The following TRIM66 variants were observed in gnomAD, a reference collection of about 807,000 sequenced individuals.
TRIM66 encodes tripartite motif containing 66.
In TRIM66, 99 loss-of-function variants were observed where a neutral mutation model predicts 148.2. The ratio of observed to expected loss-of-function variants is 0.67; its 90% CI spans 0.57 to 0.79. The LOEUF is 0.79. Ranked by LOEUF, TRIM66 falls within the 30% of genes least tolerant of loss-of-function variation. The probability of loss-of-function intolerance (pLI) is 0.00; values close to 1 mark genes in which losing one functional copy is unlikely to be tolerated. For missense variants in TRIM66, 1,666 were observed against 1,697.9 expected (o/e 0.98, Z 0.33); for synonymous variants, 616 against 635.9 (o/e 0.97, Z 0.47).
At chr11:8,627,021 CCTT>C (rs2034914308) in intron 15 of TRIM66, among the ~76,000 whole-genome samples, 1 of 152,228 alleles carries the variant, frequency 6.6e-6, no homozygotes, top group Admixed American at 6.5e-5. Context: ...TGCCAGAAAG[CCTT>C]CTTTCATTCT....
At chr11:8,676,248 T>A (rs1355381575) in intron 3 of TRIM66, among the ~76,000 whole-genome samples, 2 of 152,076 alleles carry the variant, frequency 1.3e-5, no homozygotes, top group South Asian at 2.1e-4. Flanking sequence ...TTTTTTTTTT[T>A]AACCGGCAGA....
At chr11:8,643,170 T>C in intron 12 of TRIM66, 44 bp from the exon 13 acceptor site, 1 of 1,501,830 alleles carries the variant, frequency 6.7e-7, no homozygotes, top group African/African-American at 1.4e-5. Flanking sequence ...ATCTTGCACC[T>C]AAATGACAAC....
chr11:8,653,464 T>C (rs7942340), intron 6 of TRIM66, among the ~76,000 whole-genome samples: 2,347 of 152,214 alleles, frequency 0.015, 67 homozygotes, highest in African/African-American at 0.054. Flanking sequence ...TGAGAGATCA[T>C]GCAGAGAAAG....
At chr11:8,672,656 T>C (rs1270722408) in intron 4 of TRIM66, among the ~76,000 whole-genome samples, 1 of 148,678 alleles carries the variant, frequency 6.7e-6, no homozygotes, top group Non-Finnish European at 1.5e-5. Context: ...GATCTCACTC[T>C]GTGGCCCAGG....
At chr11:8,652,187 C>T (rs1409532261) in intron 6 of TRIM66, among the ~76,000 whole-genome samples, 4 of 151,982 alleles carry the variant, frequency 2.6e-5, no homozygotes, top group Non-Finnish European at 4.4e-5. Flanking sequence ...ACAGGCCCAA[C>T]GCTGCTTTGG....
rs368217268 is a variant in TRIM66 at position 8,621,150 on chromosome 11, T to C, written c.3427A>G (p.Ile1143Val). The change falls in exon 20 of 25, where the codon ATA becomes GTA. Residue 1143 changes from isoleucine (I) to valine (V), a missense_variant. Transcript: ENST00000646038. ...ACAGCACAGAAGTCCTCATTCTCTA[T>C]TGGGGCTGGGGGGCCCTTCTTGGCT... The part of the protein sequence containing the change: ...PGAKKGPPAP[I>V]ENEDFCAVCL... 12 of 1,551,694 alleles carry C rather than the reference T, an allele frequency of 7.7e-6. No homozygotes were observed. The highest frequency in any genetic ancestry group is 1.4e-5 in the African/African-American group (1 of 73,160).
intron 1 of TRIM66, among the ~76,000 whole-genome samples, chr11:8,682,023 A>C (rs2039456491): frequency 6.6e-6 from 1 of 152,170 alleles, no homozygotes. Flanking sequence ...CGACCTCCCA[A>C]AGTGTTGGGA....
In TRIM66 at chr11:8,672,321, A is replaced by G. The variant is rs114815403; in HGVS notation, c.-47T>C. The G allele has an allele frequency of 5.4e-4, 833 of 1,536,030 alleles. 5 individuals are homozygous for G. The African/African-American group carries it at 0.01, about 19-fold the overall frequency. Reference sequence around the variant, plus strand: ...GTGGAGGTGTCTGCTGTTTGTCTGAAGGCGAACAAACCCTTCAAAAGTGTC... The same window carrying G: ...GTGGAGGTGTCTGCTGTTTGTCTGAGGGCGAACAAACCCTTCAAAAGTGTC... On this transcript the variant is annotated 5_prime_UTR_variant, in exon 5 of 25. Coordinates refer to ENST00000646038, the MANE Select transcript of TRIM66 (RefSeq NM_001388022.1).
rs368215984 is a variant in TRIM66 at position 8,646,470 on chromosome 11, T to C, written c.934A>G (p.Asn312Asp). The C allele has an allele frequency of 7.6e-5, 118 of 1,552,218 alleles. No homozygotes were observed. Among genetic ancestry groups the C allele is most frequent in the Non-Finnish European group, 9.6e-5 (110 of 1,147,136 alleles). Residue 312 changes from asparagine to aspartate, a missense_variant, in exon 11 of 25, where the codon AAT becomes GAT. Coordinates refer to ENST00000646038, the MANE Select transcript of TRIM66 (RefSeq NM_001388022.1). ...VLMNELNKQA[N>D]GLIEELEGIT... The stretch of plus-strand genomic sequence containing the variant: ...ACCTCTAATTCCTCTATTAGCCCAT[T>C]GGCCTGTTTGTTCAGCTCATTCATC...
chr11:8,618,026 G>T, intron 24 of TRIM66, 23 bp from the exon 25 acceptor site: 1 of 1,548,074 alleles, frequency 6.5e-7, no homozygotes, highest in Non-Finnish European at 8.7e-7. Flanking sequence ...TATATATTTG[G>T]AATTAAAATA....
At chr11:8,643,168 C>G in intron 12 of TRIM66, 42 bp from the exon 13 acceptor site, 2 of 1,509,892 alleles carry the variant, frequency 1.3e-6, no homozygotes, top group Non-Finnish European at 1.8e-6. Context: ...GCATCTTGCA[C>G]CTAAATGACA....
chr11:8,664,994 T>C (rs1458285360), intron 6 of TRIM66, among the ~76,000 whole-genome samples: 1 of 152,030 alleles, frequency 6.6e-6, no homozygotes, highest in Non-Finnish European at 1.5e-5. Flanking sequence ...TTTATAGAAA[T>C]GAACTCAGCC....
At chr11:8,619,822 T>C (rs774428868) in intron 22 of TRIM66, among the ~76,000 whole-genome samples, 2 of 152,204 alleles carry the variant, frequency 1.3e-5, no homozygotes, top group Non-Finnish European at 2.9e-5. Context: ...CATAAGTTAA[T>C]ATTGTCACTA....
intron 6 of TRIM66, among the ~76,000 whole-genome samples, chr11:8,652,332 G>C (rs2037429485): frequency 6.6e-6 from 1 of 152,052 alleles, no homozygotes; most frequent in South Asian, 2.1e-4. Context: ...TTACCACATA[G>C]CAGGATGACT....
chr11:8,662,953 G>A (rs1332729207), intron 6 of TRIM66, among the ~76,000 whole-genome samples: 1 of 152,200 alleles, frequency 6.6e-6, no homozygotes, highest in Non-Finnish European at 1.5e-5. Flanking sequence ...TTGGTACTCA[G>A]TGGCCAACTT....
At chr11:8,623,007 A>C in intron 17 of TRIM66, 131 bp from the exon 18 acceptor site, 3 of 708,132 alleles carry the variant, frequency 4.2e-6, no homozygotes, top group Non-Finnish European at 7.0e-6. Flanking sequence ...TACCTACACT[A>C]TAGTCATTCA....
intron 8 of TRIM66, among the ~76,000 whole-genome samples, chr11:8,649,064 C>T (rs1400514016): frequency 4.6e-5 from 7 of 152,224 alleles, no homozygotes; most frequent in African/African-American, 1.7e-4. Flanking sequence ...GGTGGCTGGG[C>T]GCAGTGGCTC....
In TRIM66 at chr11:8,625,216, G is replaced by C. The variant is rs7935453; in HGVS notation, c.2323C>G (p.Leu775Val). The change falls in exon 16 of 25, where the codon CTG becomes GTG. Residue 775 changes from leucine to valine, a missense_variant. Leu to Val is a conservative substitution (Grantham distance 32). This residue lies in a region of TRIM66 where 1,431 missense variants were observed against 1,412.4 expected (regional missense o/e 1.01). Transcript: ENST00000646038. ...PNVVRKHSTSLSIMGFSNTLE... is the reference protein window; with the variant it reads ...PNVVRKHSTSVSIMGFSNTLE... ...GTGTTGGAAAAGCCCATGATGCTCAGCGAGGTGGAGTGCTGCAGGAACAGA... is the reference window on the plus strand; with the variant it reads ...GTGTTGGAAAAGCCCATGATGCTCACCGAGGTGGAGTGCTGCAGGAACAGA... 394,642 of 1,501,412 alleles carry C rather than the reference G, an allele frequency of 0.26. 52,861 individuals carry two copies. The highest frequency in any genetic ancestry group is 0.36 in the South Asian group (26,655 of 74,990). 93.0% of individuals were successfully genotyped at this position (1,501,412 alleles called of 1,614,324 possible). A position where few individuals can be genotyped will look rare whatever the true frequency, so the allele number is the denominator to read the frequency against.
At position 8,618,780 on chromosome 11, in the gene TRIM66, G is replaced by A. The variant is rs2033918624; in HGVS notation, c.4089C>T (p.Gly1363=). 6.4e-7 allele frequency: 1 copy of A among 1,550,926 alleles called. No homozygotes were observed. The highest frequency in any genetic ancestry group is 8.7e-7 in the Non-Finnish European group (1 of 1,146,824). ...GFPWPPYMQE[G]IQPKRRRRHM... ...GTCGTCGCCGCCTCTTGGGTTGGAT[G>A]CCCTCCTGCATGTAGGGAGGCCACG... Residue 1363 remains glycine (G), a synonymous_variant, in exon 24 of 25, where the codon GGC becomes GGT. Transcript: ENST00000646038.
Sources: allele counts gnomAD v4.1 joint callset (sites outside exome capture counted in the v4.1 genomes callset), GRCh38; gene constraint gnomAD v4.1.1; regional missense constraint gnomAD v4.1.1; transcripts MANE v1.5; gene names NCBI Gene and HGNC (gene_info 2026-07-23, HGNC 2026-07-21).